The following LRRC7 variants were observed in gnomAD, a reference collection of about 807,000 sequenced individuals.
The protein encoded by LRRC7 is leucine-rich repeat-containing protein 7.
LRRC7 carries 23 observed loss-of-function variants against 175.7 expected under a neutral mutation model. The ratio of observed to expected loss-of-function variants is 0.13; its 90% confidence interval spans 0.09 to 0.19. The LOEUF (loss-of-function observed/expected upper bound fraction) is 0.19, where lower values mean the gene tolerates loss of function less well. Ranked by LOEUF, LRRC7 falls within the 10% of genes least tolerant of loss-of-function variation. The pLI, the probability that LRRC7 is intolerant of heterozygous loss-of-function variation, is 1.00. For missense variants in LRRC7, 1,354 were observed against 1,904.7 expected, an observed-to-expected ratio of 0.71 and a Z score of 5.38; for synonymous variants, 685 against 680.9, an observed-to-expected ratio of 1.01 and a Z score of -0.09.
intron 7 of LRRC7, among the ~76,000 whole-genome samples, chr1:69,918,177 G>T (rs1053982375): frequency 1.6e-4 from 24 of 152,100 alleles, no homozygotes; most frequent in African/African-American, 5.8e-4. Flanking sequence ...AGGCTGTGTA[G>T]GATGTGCTAA....
At chr1:69,821,813 TG>T (rs1264294657) in intron 4 of LRRC7, among the ~76,000 whole-genome samples, 1 of 152,086 alleles carries the variant, frequency 6.6e-6, no homozygotes, top group Non-Finnish European at 1.5e-5. Context: ...GATAATCACT[TG>T]AACCTGGGAG....
intron 7 of LRRC7, among the ~76,000 whole-genome samples, chr1:69,852,819 A>T (rs1377074950): frequency 1.3e-5 from 2 of 152,188 alleles, no homozygotes; most frequent in African/African-American, 4.8e-5. Flanking sequence ...TTTCCATAAC[A>T]TTATGTAAAA....
chr1:69,863,636 A>C (rs1436740881), intron 7 of LRRC7, among the ~76,000 whole-genome samples: 1 of 152,238 alleles, frequency 6.6e-6, no homozygotes, highest in Non-Finnish European at 1.5e-5. Context: ...TCAGAGAGAC[A>C]GACATTAACA....
At position 69,597,198 on chromosome 1, in the gene LRRC7, T is replaced by C. The variant is rs1306968916; in HGVS notation, c.2+28557T>C. Among the ~76,000 whole-genome samples the C allele has an allele frequency of 2.6e-5, 4 of 152,220 alleles. No homozygotes were observed. The East Asian group carries it at 7.7e-4, about 29-fold the overall frequency. On this transcript the variant is annotated intron_variant, in intron 1 of 26. Coordinates refer to ENST00000651989, the MANE Select transcript of LRRC7 (RefSeq NM_001370785.2). ...GTTTATCTTTCAATTTTAAACATAG[T>C]TTCAGTGTCTATATTCATGGAGGGG...
chr1:69,754,696 T>A lies in LRRC7; in HGVS notation c.101-5495T>A, dbSNP rs561253470. On this transcript the variant is annotated intron_variant, in intron 2 of 26. Transcript: ENST00000651989. ...GCTCCAGCGTCCAAGCTCCTGACAA[T>A]GGTAATGTGCTACGGACCTCTCAAG... Among the ~76,000 whole-genome samples, 5 of 152,018 alleles carry A rather than the reference T, an allele frequency of 3.3e-5. No individual in the cohort carries two copies. The South Asian group carries it at 6.2e-4, about 19-fold the overall frequency.
At chr1:69,706,386 C>T (rs1019180631) in intron 2 of LRRC7, among the ~76,000 whole-genome samples, 7 of 152,130 alleles carry the variant, frequency 4.6e-5, no homozygotes, top group African/African-American at 7.2e-5. Flanking sequence ...GTCTAGCATT[C>T]GTCACTTACA....
At chr1:69,642,703 C>T (rs1654393354) in intron 1 of LRRC7, among the ~76,000 whole-genome samples, 1 of 151,962 alleles carries the variant, frequency 6.6e-6, no homozygotes, top group Non-Finnish European at 1.5e-5. Flanking sequence ...ATGAAAACAT[C>T]ATGTGTTTAA....
intron 1 of LRRC7, among the ~76,000 whole-genome samples, chr1:69,572,869 G>A (rs1229738493): frequency 1.3e-5 from 2 of 151,858 alleles, no homozygotes; most frequent in East Asian, 1.9e-4. Flanking sequence ...TGTGTGTGTG[G>A]GGTATGTGTG....
At chr1:69,919,657 T>G (rs1294022069) in intron 7 of LRRC7, 14 of 913,138 alleles carry the variant, frequency 1.5e-5, no homozygotes, top group Non-Finnish European at 2.5e-5. Flanking sequence ...AGAAGGACTT[T>G]GAGTCTCCGG....
intron 10 of LRRC7, among the ~76,000 whole-genome samples, chr1:69,992,512 A>G (rs980986704): frequency 2.6e-5 from 4 of 152,166 alleles, no homozygotes; most frequent in African/African-American, 9.6e-5. Flanking sequence ...TAAATGCTGG[A>G]GGAAGACATG....
intron 1 of LRRC7, among the ~76,000 whole-genome samples, chr1:69,643,262 T>C (rs61782246): frequency 6.6e-6 from 1 of 152,082 alleles, no homozygotes; most frequent in South Asian, 2.1e-4. Flanking sequence ...GAAATACTAA[T>C]CTTTTCAGGA....
intron 10 of LRRC7, among the ~76,000 whole-genome samples, chr1:69,989,592 G>T (rs1390169574): frequency 6.6e-6 from 1 of 151,944 alleles, no homozygotes; most frequent in African/African-American, 2.4e-5. Flanking sequence ...TTAAAAATGA[G>T]TTAAGAGACA....
chr1:69,750,039 G>A (rs888078447), intron 2 of LRRC7, among the ~76,000 whole-genome samples: 30 of 148,942 alleles, frequency 2.0e-4, no homozygotes, highest in African/African-American at 5.0e-4. Context: ...CCAGCCTGGC[G>A]ACAGAGCAAG....
intron 21 of LRRC7, 132 bp downstream of exon 21, chr1:70,039,925 A>G (rs1659717582): frequency 1.7e-6 from 2 of 1,208,106 alleles, no homozygotes; most frequent in South Asian, 1.7e-5. Context: ...TTATCTTTAT[A>G]TTGTGGGGAA....
At chr1:69,934,934 C>A (rs1024532237) in intron 8 of LRRC7, among the ~76,000 whole-genome samples, 1 of 152,140 alleles carries the variant, frequency 6.6e-6, no homozygotes. Context: ...CTTAAGGCCC[C>A]AACAACTCTA....
At chr1:69,584,082 A>G (rs941939287) in intron 1 of LRRC7, among the ~76,000 whole-genome samples, 1 of 152,136 alleles carries the variant, frequency 6.6e-6, no homozygotes, top group Non-Finnish European at 1.5e-5. Context: ...GTACTTGTCA[A>G]TGCTTGGAAT....
chr1:70,072,791 A>G (rs1339788498), intron 23 of LRRC7, among the ~76,000 whole-genome samples: 3 of 152,254 alleles, frequency 2.0e-5, no homozygotes, highest in Non-Finnish European at 4.4e-5. Context: ...AAAACAGATG[A>G]TAGACCTAAT....
At chr1:69,691,010 A>G (rs1358121474) in intron 2 of LRRC7, among the ~76,000 whole-genome samples, 2 of 152,174 alleles carry the variant, frequency 1.3e-5, no homozygotes, top group East Asian at 3.9e-4. Flanking sequence ...ACCTGAAAGA[A>G]TATCTCAAAG....
rs1334282012 is a variant in LRRC7, at chr1:69,728,579, G to A, written c.101-31612G>A. 2.6e-5 allele frequency among the ~76,000 whole-genome samples: 4 copies of A among 152,176 alleles called. No individual in the cohort carries two copies. The East Asian group carries it at 5.8e-4, about 22-fold the overall frequency. ...GTAAGAGAACTAGAAAAAGAAAAAG[G>A]GACTCCAAATCCCAGCTCTTTCCAT... is the stretch of plus-strand genomic sequence containing the variant. On this transcript the variant is annotated intron_variant, in intron 2 of 26. Transcript: ENST00000651989.
Sources: allele counts gnomAD v4.1 joint callset (sites outside exome capture counted in the v4.1 genomes callset), GRCh38; gene constraint gnomAD v4.1.1; transcripts MANE v1.5; gene names NCBI Gene and HGNC (gene_info 2026-07-23, HGNC 2026-07-21).